The following PROX1 variants were observed in gnomAD, a reference collection of about 807,000 sequenced individuals.
PROX1 encodes prospero homeobox protein 1.
A neutral mutation model predicts 58.8 loss-of-function variants in PROX1; 7 were observed. The ratio of observed to expected loss-of-function variants is 0.12; its 90% CI spans 0.07 to 0.22. The LOEUF (loss-of-function observed/expected upper bound fraction) is 0.22, where lower values mean the gene tolerates loss of function less well. PROX1 is among the 10% of genes least tolerant of loss of function. The pLI, the probability that PROX1 is intolerant of heterozygous loss-of-function variation, is 1.00. For synonymous variants in PROX1, 350 were observed against 358.3 expected (o/e 0.98, Z 0.26); for missense variants, 675 against 927.8 (o/e 0.73, Z 3.54).
intron 4 of PROX1, among the ~76,000 whole-genome samples, chr1:214,022,165 C>A (rs1458192617): frequency 6.6e-6 from 1 of 152,192 alleles, no homozygotes; most frequent in African/African-American, 2.4e-5. Flanking sequence ...TCCAGCCAGG[C>A]CCTGGGATCA....
At chr1:214,031,079 A>G (rs1275550885) in intron 4 of PROX1, among the ~76,000 whole-genome samples, 1 of 147,274 alleles carries the variant, frequency 6.8e-6, no homozygotes, top group Non-Finnish European at 1.5e-5. Flanking sequence ...GCGCGCGCGC[A>G]TTCGCGCACG....
chr1:214,019,776 C>T (rs1473121098), intron 4 of PROX1, among the ~76,000 whole-genome samples: 1 of 152,220 alleles, frequency 6.6e-6, no homozygotes, highest in Non-Finnish European at 1.5e-5. Context: ...AAATGTCCCA[C>T]GCCGCAAATG....
At chr1:214,013,405 G>T (rs1475964322) in intron 4 of PROX1, among the ~76,000 whole-genome samples, 1 of 152,110 alleles carries the variant, frequency 6.6e-6, no homozygotes, top group East Asian at 1.9e-4. Flanking sequence ...TAAGCTAAGA[G>T]ACTTCTGTGT....
intron 1 of PROX1, among the ~76,000 whole-genome samples, chr1:213,989,081 T>A (rs1662920885): frequency 6.6e-6 from 1 of 152,106 alleles, no homozygotes; most frequent in African/African-American, 2.4e-5. Flanking sequence ...CCAATTTGCT[T>A]GTCATTTGCA....
rs200358560 is a variant in PROX1 at position 213,998,083 on chromosome 1, C to A, written c.1548C>A (p.Asp516Glu). The change falls in exon 2 of 5, where the codon GAC (aspartate) becomes GAA (glutamate). Residue 516 changes from aspartate to glutamate, a missense_variant. Physicochemically the swap from Asp to Glu is conservative, Grantham distance 45. This residue lies in a region of PROX1 where 403 missense variants were observed against 477.4 expected (regional missense o/e 0.84). Coordinates refer to ENST00000366958, the MANE Select transcript of PROX1 (RefSeq NM_001270616.2). ...GKDRASPESLDLTRDTTSLRT... is the reference protein window; with the variant it reads ...GKDRASPESLELTRDTTSLRT... The stretch of plus-strand genomic sequence containing the variant: ...ACAGAGCCTCTCCTGAATCCTTAGA[C>A]TTAACTAGGGATACCACGAGTCTGA... 8.4e-5 allele frequency: 135 copies of A among 1,613,934 alleles called. No homozygotes were observed. Among genetic ancestry groups the A allele is most frequent in the Admixed American group, 2.2e-4 (13 of 59,988 alleles).
Position 214,039,450 on chromosome 1 carries a change from A to C in PROX1, c.*3616A>C, listed in dbSNP as rs1571853332. 2 of 152,212 alleles carry C rather than the reference A, an allele frequency of 1.3e-5. No homozygotes were observed. Among genetic ancestry groups the C allele is most frequent in the African/African-American group, 4.8e-5 (2 of 41,472 alleles). The allele number at this position is 152,212 out of a possible 1,614,324, so 9.4% of individuals were successfully genotyped here. A position where few individuals can be genotyped will look rare whatever the true frequency, so the allele number is the denominator to read the frequency against. ...GGTGAATATCATTTAAAAAAATTTA[A>C]AACAACAAAAAAAAAGCAAAACAGA... On this transcript the variant is annotated 3_prime_UTR_variant, in exon 5 of 5. Coordinates refer to ENST00000366958, the MANE Select transcript of PROX1 (RefSeq NM_001270616.2).
intron 1 of PROX1, 113 bp from the exon 2 acceptor site, chr1:213,996,356 T>C (rs1663262820): frequency 6.5e-6 from 4 of 613,850 alleles, no homozygotes; most frequent in Non-Finnish European, 5.5e-6. Flanking sequence ...ATAATTGTAA[T>C]GTGCCATAAA....
intron 4 of PROX1, among the ~76,000 whole-genome samples, chr1:214,013,885 T>G (rs1462055769): frequency 6.6e-6 from 1 of 152,190 alleles, no homozygotes; most frequent in African/African-American, 2.4e-5. Context: ...ATTGGACTAT[T>G]CTGGATCTGA....
intron 2 of PROX1, among the ~76,000 whole-genome samples, chr1:214,002,656 G>C (rs1663565579): frequency 6.6e-6 from 1 of 151,948 alleles, no homozygotes; most frequent in African/African-American, 2.4e-5. Flanking sequence ...ATGGAGCTTA[G>C]CTCGTGTTCA....
At chr1:214,018,456 G>A (rs557220650) in intron 4 of PROX1, among the ~76,000 whole-genome samples, 7 of 152,226 alleles carry the variant, frequency 4.6e-5, no homozygotes, top group Non-Finnish European at 7.4e-5. Context: ...TGAAACAAAC[G>A]CATTTTGTCT....
chr1:213,992,478 C>T (rs540166528), intron 1 of PROX1, among the ~76,000 whole-genome samples: 1 of 152,140 alleles, frequency 6.6e-6, no homozygotes, highest in South Asian at 2.1e-4. Flanking sequence ...TCTGATTTTT[C>T]CCCTTTGAAT....
chr1:214,031,374 G>A (rs192071135), intron 4 of PROX1, among the ~76,000 whole-genome samples: 2 of 152,236 alleles, frequency 1.3e-5, no homozygotes, highest in Admixed American at 1.3e-4. Flanking sequence ...CCTCTCCTGA[G>A]GAACGCTGGG....
chr1:214,004,178 G>A (rs944295548), intron 2 of PROX1, among the ~76,000 whole-genome samples: 4 of 152,218 alleles, frequency 2.6e-5, no homozygotes, highest in Non-Finnish European at 5.9e-5. Flanking sequence ...GGAAATGGCA[G>A]GGCCAGGCTG....
chr1:214,017,563 T>G (rs1558181909), intron 4 of PROX1, among the ~76,000 whole-genome samples: 1 of 148,430 alleles, frequency 6.7e-6, no homozygotes, highest in Admixed American at 6.8e-5. Flanking sequence ...GGCTTTTCTC[T>G]CTTTAAAAAA....
In PROX1 at chr1:214,005,277, G is replaced by A. The variant is rs1558175548; in HGVS notation, c.1833+5G>A. The A allele has an allele frequency of 6.3e-7, 1 of 1,596,192 alleles. No individual in the cohort carries two copies. The highest frequency in any genetic ancestry group is 8.6e-7 in the Non-Finnish European group (1 of 1,167,878). ...ACCTACTTCTCCGACGTAAAGGTAG[G>A]GACTTTTTTTATTCTTAATTTTTTC... On this transcript the variant is annotated splice_donor_5th_base_variant and intron_variant, in intron 3 of 4. Transcript: ENST00000366958.
chr1:213,984,120 A>C (rs1313019985), upstream of PROX1: 1 of 152,232 alleles, frequency 6.6e-6, no homozygotes, highest in Non-Finnish European at 1.5e-5. Flanking sequence ...CAGGGAATGT[A>C]CTTCCCTTTG....
At chr1:214,016,604 A>T (rs1289150733) in intron 4 of PROX1, among the ~76,000 whole-genome samples, 1 of 152,224 alleles carries the variant, frequency 6.6e-6, no homozygotes, top group African/African-American at 2.4e-5. Flanking sequence ...TTGACAAGCC[A>T]AATTGATCTT....
At chr1:213,985,694 C>T (rs1662807638), upstream of PROX1, 1 of 152,282 alleles carries the variant, frequency 6.6e-6, no homozygotes, top group Non-Finnish European at 1.5e-5. Flanking sequence ...CTTTTCCCGC[C>T]GCCAGTTCCC....
rs894080609 is a variant in PROX1 at position 213,997,123 on chromosome 1, G to C, written c.588G>C (p.Gln196His). 1 of 1,613,648 alleles carries C rather than the reference G, an allele frequency of 6.2e-7. No homozygotes were observed. The change falls in exon 2 of 5, where the codon CAG becomes CAC. Residue 196 changes from glutamine (Q) to histidine (H), a missense_variant. Gln to His is a conservative substitution (Grantham distance 24, BLOSUM62 0). This residue lies in a region of PROX1 where 403 missense variants were observed against 477.4 expected (regional missense o/e 0.84). Transcript: ENST00000366958. The surrounding 1 kb of genome is among the most constrained non-coding windows in gnomAD (Gnocchi z 7.1). ...GNENEREMAPQSVSPRESYRE... is the reference protein window; with the variant it reads ...GNENEREMAPHSVSPRESYRE... ...AAAATGAAAGAGAGATGGCCCCGCAGTCTGTGAGTCCCCGAGAAAGTTACA... is the reference window on the plus strand; with the variant it reads ...AAAATGAAAGAGAGATGGCCCCGCACTCTGTGAGTCCCCGAGAAAGTTACA...
Sources: allele counts gnomAD v4.1 joint callset (sites outside exome capture counted in the v4.1 genomes callset), GRCh38; gene constraint gnomAD v4.1.1; regional missense constraint gnomAD v4.1.1; non-coding constraint Gnocchi (gnomAD v3.1); transcripts MANE v1.5; gene names NCBI Gene and HGNC (gene_info 2026-07-23, HGNC 2026-07-21).